PTPRO: variants seen among roughly 807,000 people sequenced by gnomAD.
PTPRO encodes the protein receptor-type tyrosine-protein phosphatase O.
In PTPRO, 62 loss-of-function variants were observed where a neutral mutation model predicts 145.2. The ratio of observed to expected loss-of-function variants is 0.43; its 90% CI spans 0.35 to 0.53. The LOEUF (loss-of-function observed/expected upper bound fraction) is 0.53, where lower values mean the gene tolerates loss of function less well. Among genes scored for constraint, PTPRO ranks in the 20% least tolerant of loss-of-function variants. PTPRO has a pLI of 0.01. For missense variants in PTPRO, 1,345 were observed against 1,482.7 expected (o/e 0.91, Z 1.53); for synonymous variants, 565 against 514.7 (o/e 1.10, Z -1.32).
chr12:15,428,453 G>A (rs1202109017), intron 1 of PTPRO, among the ~76,000 whole-genome samples: 1 of 152,094 alleles, frequency 6.6e-6, no homozygotes, highest in Non-Finnish European at 1.5e-5. Context: ...AAAATTGAAA[G>A]TATAGAGCTT....
At chr12:15,542,122 G>A (rs1268403531) in intron 12 of PTPRO, among the ~76,000 whole-genome samples, 1 of 152,144 alleles carries the variant, frequency 6.6e-6, no homozygotes, top group African/African-American at 2.4e-5. Flanking sequence ...CAATCAAAAT[G>A]CCTTTGATGT....
At chr12:15,349,256 T>A (rs1288056706) in intron 1 of PTPRO, among the ~76,000 whole-genome samples, 1 of 152,176 alleles carries the variant, frequency 6.6e-6, no homozygotes, top group Non-Finnish European at 1.5e-5. Context: ...ATACTAGTTT[T>A]CCAATTGGCT....
Position 15,579,273 on chromosome 12 carries a change from A to G in PTPRO, c.2920+330A>G, listed in dbSNP as rs536875099. ...TTTTCAGCCAATTCATTGGTAATGG[A>G]AAGAGGCAAATGGGAAGGCGATGCA... On this transcript the variant is annotated intron_variant, in intron 20 of 26. Transcript: ENST00000281171. 7.9e-5 allele frequency among the ~76,000 whole-genome samples: 12 copies of G among 152,352 alleles called. No homozygotes were observed. The South Asian group carries it at 2.3e-3, about 29-fold the overall frequency.
chr12:15,494,491 T>G (rs1942061425), intron 2 of PTPRO, among the ~76,000 whole-genome samples: 1 of 152,212 alleles, frequency 6.6e-6, no homozygotes, highest in South Asian at 2.1e-4. Context: ...AGTAAAATAT[T>G]TTTAGACTAT....
At chr12:15,444,668 T>C (rs1169476804) in intron 1 of PTPRO, among the ~76,000 whole-genome samples, 1 of 151,798 alleles carries the variant, frequency 6.6e-6, no homozygotes, top group African/African-American at 2.4e-5. Context: ...TGTTCCCTTA[T>C]AAAGGAGGCC....
At chr12:15,453,080 T>C (rs542408527) in intron 1 of PTPRO, among the ~76,000 whole-genome samples, 2 of 152,162 alleles carry the variant, frequency 1.3e-5, no homozygotes, top group African/African-American at 4.8e-5. Flanking sequence ...AAACCCATCA[T>C]AGAAAATAAT....
At chr12:15,541,365 G>C (rs1943176867) in intron 12 of PTPRO, among the ~76,000 whole-genome samples, 1 of 152,124 alleles carries the variant, frequency 6.6e-6, no homozygotes, top group Non-Finnish European at 1.5e-5. Flanking sequence ...ATATTTTATA[G>C]GGTTTTTTCA....
At chr12:15,473,298 C>T (rs545731030) in intron 1 of PTPRO, among the ~76,000 whole-genome samples, 77 of 152,214 alleles carry the variant, frequency 5.1e-4, no homozygotes, top group African/African-American at 1.8e-3. Flanking sequence ...ACTCATGTGC[C>T]TCTGCTCACA....
intron 7 of PTPRO, 101 bp downstream of exon 7, chr12:15,508,868 G>A: frequency 8.4e-7 from 1 of 1,196,126 alleles, no homozygotes; most frequent in African/African-American, 1.5e-5. Flanking sequence ...GCTGAGGTCT[G>A]CTGGGATGGG....
In PTPRO at chr12:15,349,947, C is replaced by G. The variant is rs116212853; in HGVS notation, c.75+27146C>G. Among the ~76,000 whole-genome samples the G allele has an allele frequency of 3.0e-3, 458 of 152,238 alleles. 1 individual carries two copies. Among genetic ancestry groups the G allele is most frequent in the African/African-American group, 0.01 (429 of 41,528 alleles). On this transcript the variant is annotated intron_variant, in intron 1 of 26. Coordinates refer to ENST00000281171, the MANE Select transcript of PTPRO (RefSeq NM_030667.3). The stretch of plus-strand genomic sequence containing the variant: ...TAGGGACCAAAGTAGAAGACACTTT[C>G]TGAGTCAGGAATAAAAGTTAAGCTT...
Position 15,510,896 on chromosome 12 carries a change from G to A in PTPRO, c.1464+2129G>A, listed in dbSNP as rs139679330. 4.0e-4 allele frequency among the ~76,000 whole-genome samples: 60 copies of A among 150,344 alleles called. 1 individual carries two copies. Among genetic ancestry groups the A allele is most frequent in the African/African-American group, 1.5e-3 (60 of 41,076 alleles). ...TAAGAGTCCATCATATACAGGTGCA[G>A]TGGCTCATGCCTGTAATCCCAGCAC... is the stretch of plus-strand genomic sequence containing the variant. On this transcript the variant is annotated intron_variant, in intron 7 of 26. Coordinates refer to ENST00000281171, the MANE Select transcript of PTPRO (RefSeq NM_030667.3).
chr12:15,562,522 G>C (rs1186933390), intron 17 of PTPRO, among the ~76,000 whole-genome samples: 2 of 152,084 alleles, frequency 1.3e-5, no homozygotes, highest in Non-Finnish European at 2.9e-5. Context: ...GCCACTAGTG[G>C]TTTGTGTGGA....
At chr12:15,330,113 G>A (rs1866564430) in intron 1 of PTPRO, among the ~76,000 whole-genome samples, 1 of 152,164 alleles carries the variant, frequency 6.6e-6, no homozygotes, top group Non-Finnish European at 1.5e-5. Flanking sequence ...TTTAATCAAG[G>A]CATTAGTGAG....
At chr12:15,398,340 C>G (rs941445150) in intron 1 of PTPRO, among the ~76,000 whole-genome samples, 4 of 152,160 alleles carry the variant, frequency 2.6e-5, no homozygotes, top group African/African-American at 9.7e-5. Flanking sequence ...CTTTGGCACC[C>G]TGAAGAAAGT....
In PTPRO at chr12:15,544,107, A is replaced by C. The variant is rs753642892; in HGVS notation, c.2165-2462A>C. 5.3e-4 allele frequency among the ~76,000 whole-genome samples: 80 copies of C among 152,196 alleles called. 1 individual carries two copies. Among genetic ancestry groups the C allele is most frequent in the Non-Finnish European group, 5.9e-5 (4 of 68,044 alleles). ...TAATCCGTTGTTGACAAAATGAAGA[A>C]AGAATTGATTAGAGCCAGGGAAAAA... On this transcript the variant is annotated intron_variant, in intron 12 of 26. Transcript: ENST00000281171.
At position 15,473,768 on chromosome 12, in the gene PTPRO, C is replaced by CAA. The variant is rs11340085; in HGVS notation, c.76-10185_76-10184dup. Among the ~76,000 whole-genome samples, 540 of 65,260 alleles carry CAA rather than the reference C, an allele frequency of 8.3e-3. 7 individuals carry two copies. Among genetic ancestry groups the CAA allele is most frequent in the African/African-American group, 0.021 (340 of 16,394 alleles). The allele number at this position is 65,260 out of a possible 152,430, so 42.8% of individuals were successfully genotyped here. A position where few individuals can be genotyped will look rare whatever the true frequency, so the allele number is the denominator to read the frequency against. Reference sequence around the variant, plus strand: ...GGCAACAGAGTGAGAGACTCCATCTCAAAAAAAAAAAAAAAAAAAAAAGCA... The same window carrying CAA: ...GGCAACAGAGTGAGAGACTCCATCTCAAAAAAAAAAAAAAAAAAAAAAAAGCA... On this transcript the variant is annotated intron_variant, in intron 1 of 26. Transcript: ENST00000281171.
At chr12:15,442,571 T>C (rs763948037) in intron 1 of PTPRO, among the ~76,000 whole-genome samples, 2 of 152,068 alleles carry the variant, frequency 1.3e-5, no homozygotes, top group Non-Finnish European at 2.9e-5. Flanking sequence ...TCATGGACAA[T>C]ATGATTCTAT....
intron 19 of PTPRO, 127 bp from the exon 20 acceptor site, chr12:15,578,726 C>A (rs2135638463): frequency 1.3e-6 from 1 of 742,000 alleles, no homozygotes; most frequent in East Asian, 2.7e-5. Flanking sequence ...GGTGGAGTAC[C>A]TTCCACCTCT....
At chr12:15,429,430 A>T (rs1046759630) in intron 1 of PTPRO, among the ~76,000 whole-genome samples, 71 of 152,314 alleles carry the variant, frequency 4.7e-4, no homozygotes, top group African/African-American at 1.6e-3. Flanking sequence ...GGCTTTCCTG[A>T]GGGCATGATA....
Sources: allele counts gnomAD v4.1 joint callset (sites outside exome capture counted in the v4.1 genomes callset), GRCh38; gene constraint gnomAD v4.1.1; transcripts MANE v1.5; gene names NCBI Gene and HGNC (gene_info 2026-07-23, HGNC 2026-07-21).